Variants in ENTREP2 observed in about 807,000 individuals in gnomAD.
ENTREP2 encodes the protein protein ENTREP2.
chr15:29,443,875 C>T, the ENTREP2 span, among the ~76,000 whole-genome samples: 1 of 151,782 alleles, frequency 6.6e-6, no homozygotes, highest in African/African-American at 2.4e-5. Context: ...GAGGGGGAGG[C>T]GGGTGGATCA....
chr15:29,486,051 T>C, the ENTREP2 span, among the ~76,000 whole-genome samples: 1 of 152,268 alleles, frequency 6.6e-6, no homozygotes, highest in South Asian at 2.1e-4. Flanking sequence ...TGAAGAGATA[T>C]CCATACTCCC....
the ENTREP2 span, among the ~76,000 whole-genome samples, chr15:29,317,368 G>T: frequency 6.6e-6 from 1 of 152,156 alleles, no homozygotes; most frequent in Non-Finnish European, 1.5e-5. Flanking sequence ...AGGTCAATTA[G>T]AAAGCTACAG....
At chr15:29,269,658 C>T in the ENTREP2 span, 1 of 1,566,646 alleles carries the variant, frequency 6.4e-7, no homozygotes, top group South Asian at 1.2e-5. Flanking sequence ...CTCTGTCCCT[C>T]TCGGCCTGGC....
At chr15:29,548,063 G>A in the ENTREP2 span, among the ~76,000 whole-genome samples, 723 of 152,290 alleles carry the variant, frequency 4.7e-3, 3 homozygotes, top group Non-Finnish European at 8.6e-3. Flanking sequence ...GGAGTTATCA[G>A]GGGCTGGGTT....
chr15:29,346,563 A>G, the ENTREP2 span, among the ~76,000 whole-genome samples: 1 of 152,190 alleles, frequency 6.6e-6, no homozygotes, highest in African/African-American at 2.4e-5. Context: ...TACTCCCATT[A>G]AAGTCAAATA....
chr15:29,476,352 T>C, the ENTREP2 span, among the ~76,000 whole-genome samples: 7 of 152,206 alleles, frequency 4.6e-5, no homozygotes, highest in African/African-American at 1.7e-4. Flanking sequence ...GTAGTTCTAT[T>C]GGACTCACTG....
the ENTREP2 span, among the ~76,000 whole-genome samples, chr15:29,558,084 T>G: frequency 6.6e-6 from 1 of 152,116 alleles, no homozygotes; most frequent in South Asian, 2.1e-4. Flanking sequence ...TCTACAAACT[T>G]TTCTTCAACA....
chr15:29,217,891 G>A, the ENTREP2 span, among the ~76,000 whole-genome samples: 2 of 152,132 alleles, frequency 1.3e-5, no homozygotes, highest in Non-Finnish European at 2.9e-5. Context: ...CAGAGGGAAG[G>A]TCTAGGGCTG....
At chr15:29,202,787 C>A in the ENTREP2 span, among the ~76,000 whole-genome samples, 4 of 152,194 alleles carry the variant, frequency 2.6e-5, no homozygotes, top group African/African-American at 9.7e-5. Context: ...CTTCCAGCTT[C>A]ATCTACATCC....
At chr15:29,494,932 A>G in the ENTREP2 span, among the ~76,000 whole-genome samples, 1 of 152,056 alleles carries the variant, frequency 6.6e-6, no homozygotes, top group South Asian at 2.1e-4. Context: ...GTCACATTTT[A>G]TCAGTTTATC....
At chr15:29,569,462 A>G in the ENTREP2 span, 1 of 149,488 alleles carries the variant, frequency 6.7e-6, no homozygotes, top group Non-Finnish European at 1.5e-5. Context: ...ATTAGTTTTA[A>G]AGGATTGGTT....
chr15:29,128,822 C>A, the ENTREP2 span: 1 of 1,550,940 alleles, frequency 6.4e-7, no homozygotes, highest in Non-Finnish European at 8.7e-7. Flanking sequence ...GTGTTTGGGT[C>A]CCCGGAGCTG....
chr15:29,423,547 G>A, the ENTREP2 span, among the ~76,000 whole-genome samples: 1 of 151,696 alleles, frequency 6.6e-6, no homozygotes. Context: ...CAGCACTTCA[G>A]GAGGCCAAGG....
chr15:29,327,271 C>T, the ENTREP2 span, among the ~76,000 whole-genome samples: 1 of 151,990 alleles, frequency 6.6e-6, no homozygotes, highest in Non-Finnish European at 1.5e-5. Flanking sequence ...TAAAACTCAA[C>T]AATAAGAAAA....
the ENTREP2 span, among the ~76,000 whole-genome samples, chr15:29,167,264 G>A: frequency 2.0e-5 from 3 of 152,110 alleles, no homozygotes; most frequent in Non-Finnish European, 4.4e-5. Flanking sequence ...CTTAGGCAAG[G>A]ATTTCATGAC....
the ENTREP2 span, among the ~76,000 whole-genome samples, chr15:29,608,827 A>G: frequency 6.6e-6 from 1 of 151,356 alleles, no homozygotes; most frequent in Admixed American, 6.6e-5. Context: ...TCGGCCTCCT[A>G]AAGTGCTGGG....
chr15:29,674,227 G>A, the ENTREP2 span, among the ~76,000 whole-genome samples: 6 of 147,552 alleles, frequency 4.1e-5, no homozygotes, highest in East Asian at 2.0e-4. Flanking sequence ...AGCAGCAAAC[G>A]CTCCACCCTG....
the ENTREP2 span, among the ~76,000 whole-genome samples, chr15:29,459,572 C>A: frequency 3.9e-5 from 6 of 152,174 alleles, no homozygotes; most frequent in Admixed American, 6.5e-5. Flanking sequence ...CGCCAACAGC[C>A]AGTTATTATC....
chr15:29,373,260 A>G, the ENTREP2 span, among the ~76,000 whole-genome samples: 1 of 152,150 alleles, frequency 6.6e-6, no homozygotes, highest in Non-Finnish European at 1.5e-5. Context: ...GTGATTTGAA[A>G]GACTAGAAGG....
Sources: allele counts gnomAD v4.1 joint callset (sites outside exome capture counted in the v4.1 genomes callset), GRCh38; gene constraint gnomAD v4.1.1; transcripts MANE v1.5; gene names NCBI Gene and HGNC (gene_info 2026-07-23, HGNC 2026-07-21).